The following FAM13B variants were observed in gnomAD, a reference collection of about 807,000 sequenced individuals.
The protein encoded by FAM13B is protein FAM13B.
Under a neutral mutation model 117.3 loss-of-function variants are expected in FAM13B, and 60 were observed. The ratio of observed to expected loss-of-function variants is 0.51; its 90% CI spans 0.42 to 0.63. The LOEUF (loss-of-function observed/expected upper bound fraction) is 0.63, where lower values mean the gene tolerates loss of function less well. Among genes scored for constraint, FAM13B ranks in the 30% least tolerant of loss-of-function variants. The pLI, the probability that FAM13B is intolerant of heterozygous loss-of-function variation, is 0.00. For synonymous variants in FAM13B, 332 were observed against 356.1 expected, an observed-to-expected ratio of 0.93 and a Z score of 0.76; for missense variants, 972 against 1,091.9, an observed-to-expected ratio of 0.89 and a Z score of 1.55.
At position 137,962,391 on chromosome 5, in the gene FAM13B, G is replaced by C. The variant is rs1768386889; in HGVS notation, c.1244+14C>G. Reference sequence around the variant, plus strand: ...TCTCAAAATGATTAATTAGCAACAAGAAAAAATGCTTACCTCTCAAGACAG... The same window carrying C: ...TCTCAAAATGATTAATTAGCAACAACAAAAAATGCTTACCTCTCAAGACAG... On this transcript the variant is annotated intron_variant, in intron 11 of 23. Transcript: ENST00000689681. 2 of 1,610,982 alleles carry C rather than the reference G, an allele frequency of 1.2e-6. 1 individual carries two copies. Among genetic ancestry groups the C allele is most frequent in the African/African-American group, 2.7e-5 (2 of 74,756 alleles).
chr5:137,944,539 A>G (rs1762874995), intron 20 of FAM13B, among the ~76,000 whole-genome samples: 2 of 152,134 alleles, frequency 1.3e-5, no homozygotes, highest in African/African-American at 2.4e-5. Context: ...AGGCCGAGGC[A>G]GGTGGATGAC....
chr5:137,967,283 TGAGAG>T (rs942256896), intron 10 of FAM13B, among the ~76,000 whole-genome samples: 6 of 152,256 alleles, frequency 3.9e-5, no homozygotes, highest in Non-Finnish European at 7.4e-5. Flanking sequence ...CCCAGCCCTT[TGAGAG>T]GCCGAGGTGG....
At chr5:137,986,101 T>C (rs968437754) in intron 9 of FAM13B, among the ~76,000 whole-genome samples, 1 of 152,058 alleles carries the variant, frequency 6.6e-6, no homozygotes, top group Non-Finnish European at 1.5e-5. Flanking sequence ...TTTTTCTTTC[T>C]CTTTTCTTTC....
Position 137,962,765 on chromosome 5 carries a change from G to A in FAM13B, c.1180-296C>T, listed in dbSNP as rs557177712. 9.3e-4 allele frequency among the ~76,000 whole-genome samples: 142 copies of A among 152,000 alleles called. 1 individual carries two copies. The highest frequency in any genetic ancestry group is 3.3e-3 in the African/African-American group (138 of 41,442). ...ATCTCCTCCAAAATGATGGTCTTCT[G>A]ATCCTGCTTGCCAACTGCTGCTTGC... On this transcript the variant is annotated intron_variant, in intron 10 of 23. Transcript: ENST00000689681.
chr5:137,979,555 T>C (rs1401946806), intron 10 of FAM13B, among the ~76,000 whole-genome samples: 2 of 152,228 alleles, frequency 1.3e-5, no homozygotes, highest in African/African-American at 4.8e-5. Context: ...TCTACCAATA[T>C]TCCAGAATTA....
intron 1 of FAM13B, among the ~76,000 whole-genome samples, chr5:138,043,685 G>A (rs1791563713): frequency 6.6e-6 from 1 of 151,986 alleles, no homozygotes; most frequent in African/African-American, 2.4e-5. Flanking sequence ...TGATCCGCCT[G>A]CCTCGGCCTC....
At position 137,943,187 on chromosome 5, in the gene FAM13B, C is replaced by A; in HGVS notation, c.2370G>T (p.Gln790His). Residue 790 changes from glutamine (Q) to histidine (H), a missense_variant, in exon 21 of 24, where the codon CAG becomes CAT. Coordinates refer to ENST00000689681, the MANE Select transcript of FAM13B (RefSeq NM_001385994.1). The stretch of plus-strand genomic sequence containing the variant: ...CTCCTTCTATGATTGGCTGTAACAT[C>A]TGACCCCTTCGCTTGGTGGATGGAG... ...LGSPSTKRRGQMLQPIIEGET... is the reference protein window; with the variant it reads ...LGSPSTKRRGHMLQPIIEGET... 1 of 1,614,052 alleles carries A rather than the reference C, an allele frequency of 6.2e-7. No individual in the cohort carries two copies. Among genetic ancestry groups the A allele is most frequent in the South Asian group, 1.1e-5 (1 of 91,076 alleles).
At chr5:138,020,222 G>A (rs557394378) in intron 2 of FAM13B, among the ~76,000 whole-genome samples, 20 of 151,738 alleles carry the variant, frequency 1.3e-4, no homozygotes, top group East Asian at 5.9e-4. Flanking sequence ...CACCACGCCC[G>A]GCTAATTTTG....
Position 138,011,811 on chromosome 5 carries a change from A to T in FAM13B, c.505T>A (p.Ser169Thr), listed in dbSNP as rs780448337. Residue 169 changes from serine (S) to threonine (T), a missense_variant, in exon 5 of 24, where the codon TCC becomes ACC. By Grantham distance (58) the Ser-to-Thr change is moderately conservative. Coordinates refer to ENST00000689681, the MANE Select transcript of FAM13B (RefSeq NM_001385994.1). Reference sequence around the variant, plus strand: ...AAGACAGCAGCCAAAGAATTTGCGGACCAAATTTCTTCATGATGTGATGCT... The same window carrying T: ...AAGACAGCAGCCAAAGAATTTGCGGTCCAAATTTCTTCATGATGTGATGCT... ...NVASHHEEIW[S>T]ANSLAAVFGP... 3.1e-6 allele frequency: 5 copies of T among 1,612,242 alleles called. No homozygotes were observed. The highest frequency in any genetic ancestry group is 4.2e-6 in the Non-Finnish European group (5 of 1,179,296).
chr5:137,966,642 AC>A (rs977503322), intron 10 of FAM13B, among the ~76,000 whole-genome samples: 2 of 151,824 alleles, frequency 1.3e-5, no homozygotes, highest in African/African-American at 4.8e-5. Flanking sequence ...CATATGAAAA[AC>A]TTATCATCGT....
intron 19 of FAM13B, 57 bp downstream of exon 19, chr5:137,946,171 G>T: frequency 6.8e-7 from 1 of 1,461,846 alleles, no homozygotes; most frequent in Non-Finnish European, 9.4e-7. Flanking sequence ...CCACAAAATT[G>T]ATTCATGTTC....
chr5:138,024,014 G>C (rs1266395374), intron 1 of FAM13B, among the ~76,000 whole-genome samples: 1 of 152,106 alleles, frequency 6.6e-6, no homozygotes, highest in Non-Finnish European at 1.5e-5. Context: ...ACTGGAGAGT[G>C]GCCCAAGGTA....
chr5:137,976,713 T>C (rs1413647979), intron 10 of FAM13B, among the ~76,000 whole-genome samples: 1 of 152,216 alleles, frequency 6.6e-6, no homozygotes, highest in Non-Finnish European at 1.5e-5. Flanking sequence ...GAAGATTTCA[T>C]GGACGCTTAT....
At chr5:138,019,772 T>G (rs1020610879) in intron 2 of FAM13B, 2 of 152,122 alleles carry the variant, frequency 1.3e-5, no homozygotes, top group African/African-American at 4.8e-5. Context: ...CTCTGCCTCC[T>G]AGGTTCATGC....
At chr5:137,963,903 C>A (rs6879506) in intron 10 of FAM13B, among the ~76,000 whole-genome samples, 112,158 of 151,968 alleles carry the variant, frequency 0.74, 42,048 homozygotes, top group East Asian at 0.97. Flanking sequence ...AAAACCCCAA[C>A]CCCCTATCCA....
At chr5:137,989,897 A>G (rs1254618572) in intron 7 of FAM13B, among the ~76,000 whole-genome samples, 2 of 105,204 alleles carry the variant, frequency 1.9e-5, no homozygotes, top group African/African-American at 3.6e-5. Flanking sequence ...AGCTGGGGGG[A>G]AAAAACCCCA....
intron 7 of FAM13B, among the ~76,000 whole-genome samples, chr5:137,991,159 G>A (rs1163498664): frequency 4.6e-5 from 7 of 152,164 alleles, no homozygotes; most frequent in Admixed American, 3.9e-4. Flanking sequence ...AACACCTATA[G>A]CCCCAACATT....
At chr5:138,001,365 G>A (rs1227840323) in intron 7 of FAM13B, among the ~76,000 whole-genome samples, 1 of 152,114 alleles carries the variant, frequency 6.6e-6, no homozygotes, top group Non-Finnish European at 1.5e-5. Flanking sequence ...GCATTCTAGG[G>A]AAATTTCTCC....
At chr5:138,023,503 A>T (rs553866192) in intron 1 of FAM13B, among the ~76,000 whole-genome samples, 2 of 152,330 alleles carry the variant, frequency 1.3e-5, no homozygotes, top group Non-Finnish European at 2.9e-5. Flanking sequence ...TTGAGCTCTT[A>T]ATCACTATAC....
Sources: allele counts gnomAD v4.1 joint callset (sites outside exome capture counted in the v4.1 genomes callset), GRCh38; gene constraint gnomAD v4.1.1; transcripts MANE v1.5; gene names NCBI Gene and HGNC (gene_info 2026-07-23, HGNC 2026-07-21).